The following PDE11A variants were observed in gnomAD, a reference collection of about 807,000 sequenced individuals.
The protein encoded by PDE11A is dual 3',5'-cyclic-AMP and -GMP phosphodiesterase 11A.
PDE11A carries 100 observed loss-of-function variants against 100.5 expected under a neutral mutation model. That is an observed-to-expected ratio of 1.00 (90% CI 0.85 to 1.18). PDE11A has a LOEUF of 1.18. PDE11A is among the 50% of genes most tolerant of loss of function. PDE11A has a pLI of 0.00. For missense variants in PDE11A, 1,141 were observed against 1,152.6 expected, an observed-to-expected ratio of 0.99 and a Z score of 0.15; for synonymous variants, 381 against 420.8, an observed-to-expected ratio of 0.91 and a Z score of 1.16.
At chr2:177,940,245 AT>A (rs34108864) in intron 2 of PDE11A, among the ~76,000 whole-genome samples, 3 of 151,952 alleles carry the variant, frequency 2.0e-5, no homozygotes, top group South Asian at 4.1e-4. Flanking sequence ...TCTTTTAAAG[AT>A]TTTTTTTCAA....
intron 17 of PDE11A, among the ~76,000 whole-genome samples, chr2:177,671,816 C>T (rs3770009): frequency 0.68 from 103,694 of 151,886 alleles, 36,329 homozygotes; most frequent in Admixed American, 0.76. Flanking sequence ...CCTCCCAAGT[C>T]GGCCTAAAAT....
In PDE11A at chr2:177,911,884, C is replaced by CA. The variant is rs199655050; in HGVS notation, c.1072-6698dup. On this transcript the variant is annotated intron_variant, in intron 2 of 19. Transcript: ENST00000286063. ...GGGTGAAAGAGTGAGACTCCATCTC[C>CA]AAAAAAAAAAAAAATTGTAATGGAA... Among the ~76,000 whole-genome samples the CA allele has an allele frequency of 5.5e-3, 688 of 125,378 alleles. 2 individuals are homozygous for CA. The highest frequency in any genetic ancestry group is 9.0e-3 in the African/African-American group (304 of 33,728). The allele number at this position is 125,378 out of a possible 152,430, so 82.3% of individuals were successfully genotyped here. A position where few individuals can be genotyped will look rare whatever the true frequency, so the allele number is the denominator to read the frequency against.
At chr2:178,064,798 A>G (rs1442136187) in intron 1 of PDE11A, among the ~76,000 whole-genome samples, 1 of 152,120 alleles carries the variant, frequency 6.6e-6, no homozygotes, top group African/African-American at 2.4e-5. Context: ...GTCTCTAAAA[A>G]AAAGAAAAAA....
At chr2:178,093,105 C>T (rs2087444808) in intron 2 of PDE11A, 1 of 152,146 alleles carries the variant, frequency 6.6e-6, no homozygotes, top group African/African-American at 2.4e-5. Flanking sequence ...TAGATTCTGA[C>T]CTATAAGAAA....
At chr2:177,715,281 T>A (rs565687076) in intron 12 of PDE11A, among the ~76,000 whole-genome samples, 1 of 152,334 alleles carries the variant, frequency 6.6e-6, no homozygotes, top group African/African-American at 2.4e-5. Flanking sequence ...CCATTCTCAA[T>A]CCTAATACTT....
At chr2:177,947,249 A>G (rs1428503701) in intron 2 of PDE11A, among the ~76,000 whole-genome samples, 2 of 117,522 alleles carry the variant, frequency 1.7e-5, no homozygotes, top group African/African-American at 3.2e-5. Context: ...CCCGGCCACC[A>G]CCCCGTCTGG....
intron 2 of PDE11A, among the ~76,000 whole-genome samples, chr2:177,958,419 C>G (rs994722420): frequency 6.6e-6 from 1 of 152,092 alleles, no homozygotes; most frequent in Non-Finnish European, 1.5e-5. Context: ...AACTGTTGAA[C>G]AAGTATATTT....
chr2:177,866,920 T>C (rs904278841), intron 5 of PDE11A, among the ~76,000 whole-genome samples: 2 of 152,222 alleles, frequency 1.3e-5, no homozygotes, highest in African/African-American at 4.8e-5. Context: ...AGCAGTGTTT[T>C]TCACACTTTG....
intron 9 of PDE11A, among the ~76,000 whole-genome samples, chr2:177,778,217 C>G (rs1462380471): frequency 1.3e-5 from 2 of 152,230 alleles, no homozygotes; most frequent in Non-Finnish European, 2.9e-5. Context: ...CCTTGCCATT[C>G]TCTACATGCA....
intron 1 of PDE11A, among the ~76,000 whole-genome samples, chr2:178,036,875 G>A (rs973558812): frequency 6.6e-6 from 1 of 152,124 alleles, no homozygotes; most frequent in Non-Finnish European, 1.5e-5. Context: ...ATTAACTCAA[G>A]ATGGATTAAA....
At position 177,817,915 on chromosome 2, in the gene PDE11A, T is replaced by C; in HGVS notation, c.1587A>G (p.Gln529=). The change falls in exon 8 of 20, where the codon CAA becomes CAG. Residue 529 remains glutamine (Q), a synonymous_variant. Transcript: ENST00000286063. The part of the protein sequence containing the change: ...NSNHQIIGVA[Q]VLNRLDGKPF... ...GTTTCCCATCAAGTCTGTTTAACAC[T>C]TGAGCCACTCCTATGGGGAAAGAGT... The C allele has an allele frequency of 6.7e-7, 1 of 1,497,752 alleles. No individual in the cohort carries two copies. Among genetic ancestry groups the C allele is most frequent in the South Asian group, 1.1e-5 (1 of 88,694 alleles). 92.8% of individuals were successfully genotyped at this position (1,497,752 alleles called of 1,614,324 possible).
chr2:177,791,079 C>T (rs1420901103), intron 9 of PDE11A, among the ~76,000 whole-genome samples: 1 of 152,138 alleles, frequency 6.6e-6, no homozygotes, highest in Admixed American at 6.5e-5. Context: ...TATAAAGACA[C>T]ATGCACATGT....
Position 177,727,695 on chromosome 2 carries a change from G to A in PDE11A, c.2006C>T (p.Ala669Val). The change falls in exon 12 of 20, where the codon GCC becomes GTC. Residue 669 changes from alanine (A) to valine (V), a missense_variant. By Grantham distance (64) the Ala-to-Val change is moderately conservative. Transcript: ENST00000286063. ...GAACATCAGCTGACACACGTTGAAG[G>A]CATGTCTCCAGTTGTGGTATAGAAC... Reference protein sequence around the residue: ...RMVLYHNWRHAFNVCQLMFAM... With the variant: ...RMVLYHNWRHVFNVCQLMFAM... 6.2e-7 allele frequency: 1 copy of A among 1,609,970 alleles called. No individual in the cohort carries two copies. Among genetic ancestry groups the A allele is most frequent in the Non-Finnish European group, 8.5e-7 (1 of 1,176,330 alleles).
At chr2:177,730,230 C>T (rs1228806716) in intron 10 of PDE11A, among the ~76,000 whole-genome samples, 1 of 152,142 alleles carries the variant, frequency 6.6e-6, no homozygotes, top group Non-Finnish European at 1.5e-5. Flanking sequence ...TCCTCCCTCC[C>T]CACACCCCAC....
intron 2 of PDE11A, among the ~76,000 whole-genome samples, chr2:177,915,894 T>C (rs186511735): frequency 6.0e-4 from 91 of 152,346 alleles, no homozygotes; most frequent in African/African-American, 2.0e-3. Flanking sequence ...CTTCACTGTG[T>C]AATCTACATC....
intron 9 of PDE11A, among the ~76,000 whole-genome samples, chr2:177,786,454 A>G (rs1277539798): frequency 1.3e-5 from 2 of 152,012 alleles, no homozygotes; most frequent in Non-Finnish European, 2.9e-5. Flanking sequence ...AGAGCAGAAA[A>G]ACTGGAAACT....
At chr2:177,869,305 G>C (rs1354029051) in intron 5 of PDE11A, among the ~76,000 whole-genome samples, 1 of 152,228 alleles carries the variant, frequency 6.6e-6, no homozygotes, top group African/African-American at 2.4e-5. Context: ...AATTGACAGA[G>C]CTATATTCCT....
At chr2:177,753,252 A>G (rs944476029) in intron 10 of PDE11A, among the ~76,000 whole-genome samples, 10 of 152,182 alleles carry the variant, frequency 6.6e-5, no homozygotes, top group African/African-American at 2.4e-4. Flanking sequence ...GAATGTCAGT[A>G]ATTTAATCAT....
chr2:177,678,769 G>A (rs1452180774), intron 16 of PDE11A, among the ~76,000 whole-genome samples: 1 of 152,084 alleles, frequency 6.6e-6, no homozygotes, highest in Non-Finnish European at 1.5e-5. Context: ...GGGGTTCCTT[G>A]TCAAAACAGT....
Sources: gnomAD v4.1 joint callset for allele counts (sites outside exome capture counted in the v4.1 genomes callset) on GRCh38, gnomAD v4.1.1 for gene constraint, MANE v1.5 for transcripts, NCBI Gene and HGNC (gene_info 2026-07-23, HGNC 2026-07-21) for gene names.